ZNF655: variants seen among roughly 807,000 people sequenced by gnomAD.
ZNF655 encodes the protein zinc finger protein 655.
ZNF655 carries 3 observed loss-of-function variants against 6.6 expected under a neutral mutation model. The observed-to-expected ratio is 0.46, with a 90% CI of 0.21 to 1.18. The LOEUF is 1.18. Among genes scored for constraint, ZNF655 ranks in the 50% most tolerant of loss-of-function variants. The pLI is 0.24. For missense variants in ZNF655, 526 were observed against 572.3 expected (o/e 0.92, Z 0.83); for synonymous variants, 178 against 195.0 (o/e 0.91, Z 0.73).
At position 99,562,625 on chromosome 7, in the gene ZNF655, T is replaced by C. The variant is rs1035245373; in HGVS notation, c.136+1930T>C. The C allele has an allele frequency of 3.0e-5, 26 of 873,790 alleles. No homozygotes were observed. The African/African-American group carries it at 4.1e-4, about 14-fold the overall frequency. The allele number at this position is 873,790 out of a possible 1,614,324, so 54.1% of individuals were successfully genotyped here. ...TCCAGGACTTAGAACCTCTGAATCC[T>C]TATCTTTCACATCGTCTTCTCCGGG... is the stretch of plus-strand genomic sequence containing the variant. On this transcript the variant is annotated intron_variant, in intron 2 of 2. Transcript: ENST00000252713.
chr7:99,568,327 T>G (rs1803788771), intron 2 of ZNF655, among the ~76,000 whole-genome samples: 1 of 149,876 alleles, frequency 6.7e-6, no homozygotes, highest in African/African-American at 2.5e-5. Context: ...CTCGGCTCAC[T>G]GCAACCTCTG....
rs1804278835 is a variant in ZNF655, at chr7:99,574,326, T to G, written c.*742T>G. The G allele has an allele frequency of 6.6e-6, 1 of 152,240 alleles. No individual in the cohort carries two copies. The highest frequency in any genetic ancestry group is 1.5e-5 in the Non-Finnish European group (1 of 68,040). The allele number at this position is 152,240 out of a possible 1,614,324, so 9.4% of individuals were successfully genotyped here. A position where few individuals can be genotyped will look rare whatever the true frequency, so the allele number is the denominator to read the frequency against. On this transcript the variant is annotated 3_prime_UTR_variant, in exon 3 of 3. Coordinates refer to ENST00000252713, the MANE Select transcript of ZNF655 (RefSeq NM_138494.3). Reference sequence around the variant, plus strand: ...AAAAATCTAGGGTTGACTTGGTAAATGCAGTGACATTTTCTCATGGAGTTC... The same window carrying G: ...AAAAATCTAGGGTTGACTTGGTAAAGGCAGTGACATTTTCTCATGGAGTTC...
intron 2 of ZNF655, chr7:99,562,490 A>G (rs747169923): frequency 3.9e-5 from 63 of 1,611,212 alleles, no homozygotes; most frequent in Non-Finnish European, 2.7e-5. Context: ...ACGTGGTCTC[A>G]CTGGGTAAGG....
rs553746342 is a variant in ZNF655 at position 99,574,816 on chromosome 7, C to T, written c.*1232C>T. On this transcript the variant is annotated 3_prime_UTR_variant, in exon 3 of 3. Transcript: ENST00000252713. ...CAACACTTGGATTCCTGTTGATTAA[C>T]TTCTCCATTCTCTTAAGCACCTTTA... is the stretch of plus-strand genomic sequence containing the variant. 3.9e-5 allele frequency: 6 copies of T among 152,316 alleles called. No homozygotes were observed. The East Asian group carries it at 9.7e-4, about 25-fold the overall frequency. The allele number at this position is 152,316 out of a possible 1,614,324, so 9.4% of individuals were successfully genotyped here. A position where few individuals can be genotyped will look rare whatever the true frequency, so the allele number is the denominator to read the frequency against.
rs191603615 is a variant in ZNF655, at chr7:99,567,781, G to A, written c.137-4464G>A. On this transcript the variant is annotated intron_variant, in intron 2 of 2. Transcript: ENST00000252713. ...TTATGCATATAAGTACCTGGCTTGT[G>A]TCGGGTGCGGTGGCTCACGCCTGTA... 2.0e-5 allele frequency among the ~76,000 whole-genome samples: 3 copies of A among 152,234 alleles called. No homozygotes were observed. The East Asian group carries it at 5.8e-4, about 29-fold the overall frequency.
At chr7:99,562,116 C>T (rs536969754) in intron 2 of ZNF655, 1 of 808,510 alleles carries the variant, frequency 1.2e-6, no homozygotes, top group Non-Finnish European at 1.9e-6. Flanking sequence ...CTTCGGAGAC[C>T]TGGACTTCAC....
At chr7:99,564,015 G>A (rs750872135) in intron 2 of ZNF655, 25 of 1,612,846 alleles carry the variant, frequency 1.6e-5, no homozygotes, top group East Asian at 4.5e-5. Flanking sequence ...GCTTCCCATC[G>A]ATATTGCTCG....
Position 99,572,387 on chromosome 7 carries a change from G to A in ZNF655, c.279G>A (p.Glu93=). ...AGACTAGAGAAGTGTATAAGTCTGA[G>A]GACAGATTAGAAAGACTTCAGGAAA... is the stretch of plus-strand genomic sequence containing the variant. ...VPETREVYKS[E]DRLERLQEIL... Residue 93 remains glutamate, a synonymous_variant, in exon 3 of 3, where the codon GAG becomes GAA. Transcript: ENST00000252713. 6.2e-7 allele frequency: 1 copy of A among 1,613,834 alleles called. No individual in the cohort carries two copies. The highest frequency in any genetic ancestry group is 1.1e-5 in the South Asian group (1 of 91,048).
At chr7:99,567,582 T>C (rs148762519) in intron 2 of ZNF655, among the ~76,000 whole-genome samples, 1,963 of 151,570 alleles carry the variant, frequency 0.013, 170 homozygotes, top group Admixed American at 0.11. Flanking sequence ...CTGCTACTAA[T>C]GCTTTCTTTG....
intron 2 of ZNF655, among the ~76,000 whole-genome samples, chr7:99,566,151 GAAGTT>G (rs1345810820): frequency 6.6e-6 from 1 of 152,140 alleles, no homozygotes; most frequent in African/African-American, 2.4e-5. Context: ...GAGGCTCAGA[GAAGTT>G]AAGTGATCTT....
intron 2 of ZNF655, among the ~76,000 whole-genome samples, chr7:99,565,575 G>C (rs922235986): frequency 6.6e-6 from 1 of 152,062 alleles, no homozygotes. Context: ...TAAAGAAGTC[G>C]GTAATAAGTA....
chr7:99,559,407 C>T (rs1004487830), intron 1 of ZNF655, among the ~76,000 whole-genome samples: 1 of 151,272 alleles, frequency 6.6e-6, no homozygotes, highest in African/African-American at 2.4e-5. Context: ...AGTTTATTTA[C>T]GTAAACGCGG....
intron 2 of ZNF655, chr7:99,571,503 C>T: frequency 8.5e-7 from 1 of 1,178,466 alleles, no homozygotes; most frequent in East Asian, 3.1e-5. Flanking sequence ...CCTTAACACA[C>T]ATCCCTCTAG....
rs1264091000 is a variant in ZNF655 at position 99,559,987 on chromosome 7, A to G, written c.-27-546A>G. On this transcript the variant is annotated intron_variant, in intron 1 of 2. Coordinates refer to ENST00000252713, the MANE Select transcript of ZNF655 (RefSeq NM_138494.3). The stretch of plus-strand genomic sequence containing the variant: ...TTACACTATTAAATTGTACCGTGTT[A>G]ATTTTTTTAATGCCACAAATTCCAA... Among the ~76,000 whole-genome samples the G allele has an allele frequency of 2.0e-5, 3 of 151,758 alleles. No individual in the cohort carries two copies. The East Asian group carries it at 5.8e-4, about 29-fold the overall frequency.
chr7:99,571,611 C>T lies in ZNF655; in HGVS notation c.137-634C>T. On this transcript the variant is annotated intron_variant, in intron 2 of 2. Coordinates refer to ENST00000252713, the MANE Select transcript of ZNF655 (RefSeq NM_138494.3). ...GAATCGACCTTCTGTCTCTCTTAAT[C>T]ATTAGTTAAAAGAAAAAGTGGCAGA... The T allele has an allele frequency of 1.7e-6, 2 of 1,167,574 alleles. 1 individual carries two copies. The allele number at this position is 1,167,574 out of a possible 1,614,324, so 72.3% of individuals were successfully genotyped here.
At position 99,560,673 on chromosome 7, in the gene ZNF655, C is replaced by T. The variant is rs775276458; in HGVS notation, c.114C>T (p.Asp38=). Residue 38 remains aspartate (D), a synonymous_variant, in exon 2 of 3, where the codon GAC becomes GAT. Transcript: ENST00000252713. The part of the protein sequence containing the change: ...SPEPQFVQDT[D]MEQGLTGDGE... ...AGCCTCAGTTTGTGCAGGACACCGA[C>T]ATGGAACAGGGACTCACTGGGGGTA... is the stretch of plus-strand genomic sequence containing the variant. The T allele has an allele frequency of 6.2e-6, 10 of 1,614,042 alleles. No homozygotes were observed. In the South Asian group the frequency reaches 8.8e-5, roughly 14 times the overall value.
chr7:99,561,293 T>C (rs1803134914), intron 2 of ZNF655, among the ~76,000 whole-genome samples: 1 of 152,260 alleles, frequency 6.6e-6, no homozygotes, highest in African/African-American at 2.4e-5. Context: ...TTATAAGAGC[T>C]GTGTCTTAGA....
chr7:99,561,847 A>T, intron 2 of ZNF655: 1 of 1,361,248 alleles, frequency 7.3e-7, no homozygotes, highest in Admixed American at 3.1e-5. Context: ...GAGCCCTGGG[A>T]AAGGGCTGCT....
Position 99,572,514 on chromosome 7 carries a change from A to G in ZNF655, c.406A>G (p.Lys136Glu), listed in dbSNP as rs779194231. 1.2e-6 allele frequency: 2 copies of G among 1,614,054 alleles called. No individual in the cohort carries two copies. The highest frequency in any genetic ancestry group is 1.7e-6 in the Non-Finnish European group (2 of 1,179,958). ...GAACAATGAATGTCATGAACCCGAA[A>G]AAAGCTTCAGTCTGGACTCTACTAT... The part of the protein sequence containing the change: ...EKNNECHEPE[K>E]SFSLDSTIDA... Residue 136 changes from lysine to glutamate, a missense_variant, in exon 3 of 3, where the codon AAA becomes GAA. Transcript: ENST00000252713.
Sources: allele counts gnomAD v4.1 joint callset (sites outside exome capture counted in the v4.1 genomes callset), GRCh38; gene constraint gnomAD v4.1.1; transcripts MANE v1.5; gene names NCBI Gene and HGNC (gene_info 2026-07-23, HGNC 2026-07-21).